The following RSU1 variants were observed in gnomAD, a reference collection of about 807,000 sequenced individuals.
RSU1 encodes rsu-1.
In RSU1, 26 loss-of-function variants were observed where a neutral mutation model predicts 31.1. The ratio of observed to expected loss-of-function variants is 0.84; its 90% CI spans 0.61 to 1.16. The LOEUF (loss-of-function observed/expected upper bound fraction) is 1.16. Among genes scored for constraint, RSU1 ranks in the 50% most tolerant of loss-of-function variants. RSU1 has a pLI of 0.00. For missense variants in RSU1, 320 were observed against 339.1 expected (o/e 0.94, Z 0.44); for synonymous variants, 164 against 136.3 (o/e 1.20, Z -1.41).
intron 4 of RSU1, among the ~76,000 whole-genome samples, chr10:16,763,395 T>C (rs1288336274): frequency 6.6e-6 from 1 of 152,112 alleles, no homozygotes; most frequent in Non-Finnish European, 1.5e-5. Context: ...AGTATGCTTA[T>C]TACATGGCAG....
chr10:16,762,986 A>G (rs146453894), intron 4 of RSU1, among the ~76,000 whole-genome samples: 7,188 of 145,710 alleles, frequency 0.049, 582 homozygotes, highest in African/African-American at 0.18. Flanking sequence ...ACAAAGCAAG[A>G]CTCTGTCTCA....
chr10:16,788,316 C>T lies in RSU1; in HGVS notation c.110-6232G>A, dbSNP rs1031774246. Among the ~76,000 whole-genome samples the T allele has an allele frequency of 4.6e-5, 7 of 152,130 alleles. 1 individual carries two copies. The highest frequency in any genetic ancestry group is 4.1e-4 in the South Asian group (2 of 4,830). The stretch of plus-strand genomic sequence containing the variant: ...CCTTGCTAGGGACTACACATTTGAA[C>T]GTTTTCCCCAAAAAATTCATATACG... On this transcript the variant is annotated intron_variant, in intron 2 of 8. Transcript: ENST00000345264.
At chr10:16,680,925 G>A (rs1309207664) in intron 8 of RSU1, among the ~76,000 whole-genome samples, 1 of 152,186 alleles carries the variant, frequency 6.6e-6, no homozygotes, top group Non-Finnish European at 1.5e-5. Context: ...AATTTTGGAT[G>A]ACAACTCTAA....
At chr10:16,666,145 C>T (rs1834983529) in intron 8 of RSU1, among the ~76,000 whole-genome samples, 1 of 152,106 alleles carries the variant, frequency 6.6e-6, no homozygotes, top group Admixed American at 6.6e-5. Flanking sequence ...ATTAATATAA[C>T]TCAATTTTTA....
chr10:16,722,881 CAT>C (rs1306511360), intron 7 of RSU1, among the ~76,000 whole-genome samples: 10 of 138,476 alleles, frequency 7.2e-5, no homozygotes, highest in Non-Finnish European at 1.1e-4. Flanking sequence ...TATATACACA[CAT>C]ATACATATAT....
intron 2 of RSU1, among the ~76,000 whole-genome samples, chr10:16,809,732 T>C (rs1412402556): frequency 6.6e-6 from 1 of 152,194 alleles, no homozygotes; most frequent in Non-Finnish European, 1.5e-5. Context: ...TTCAACTAGG[T>C]TCATGTGAAT....
intron 8 of RSU1, among the ~76,000 whole-genome samples, chr10:16,653,585 A>G (rs982664461): frequency 1.3e-5 from 2 of 152,182 alleles, no homozygotes; most frequent in African/African-American, 4.8e-5. Context: ...AAATTCTGCA[A>G]CAAGTAATAC....
chr10:16,658,487 G>C (rs1834829726), intron 8 of RSU1, among the ~76,000 whole-genome samples: 1 of 152,190 alleles, frequency 6.6e-6, no homozygotes. Context: ...ACTTTGGGAG[G>C]CTGATGCAGG....
At chr10:16,810,675 A>C (rs1838389540) in intron 2 of RSU1, among the ~76,000 whole-genome samples, 1 of 152,190 alleles carries the variant, frequency 6.6e-6, no homozygotes, top group South Asian at 2.1e-4. Flanking sequence ...AACGTTTCCA[A>C]GAAATAAAGA....
At chr10:16,637,853 G>A (rs1834372736) in intron 8 of RSU1, among the ~76,000 whole-genome samples, 1 of 151,806 alleles carries the variant, frequency 6.6e-6, no homozygotes, top group Admixed American at 6.6e-5. Context: ...TCCTAGCAGA[G>A]AGGAGAGTTG....
At chr10:16,672,375 GA>G (rs1417225933) in intron 8 of RSU1, among the ~76,000 whole-genome samples, 1 of 152,086 alleles carries the variant, frequency 6.6e-6, no homozygotes, top group Non-Finnish European at 1.5e-5. Flanking sequence ...GTTTACCCAA[GA>G]GAAACAATAG....
chr10:16,776,039 T>A (rs1837522683), intron 3 of RSU1, among the ~76,000 whole-genome samples: 1 of 152,188 alleles, frequency 6.6e-6, no homozygotes, highest in Non-Finnish European at 1.5e-5. Context: ...AACTTTTGCA[T>A]AAAGCATGAC....
intron 7 of RSU1, among the ~76,000 whole-genome samples, chr10:16,701,634 A>AC (rs1835797110): frequency 6.6e-6 from 1 of 151,758 alleles, no homozygotes; most frequent in Non-Finnish European, 1.5e-5. Flanking sequence ...ACACACACAC[A>AC]AAAAGATTTA....
At chr10:16,654,877 A>G (rs1043071415) in intron 8 of RSU1, among the ~76,000 whole-genome samples, 1 of 151,890 alleles carries the variant, frequency 6.6e-6, no homozygotes, top group Non-Finnish European at 1.5e-5. Flanking sequence ...TGGGCAACAT[A>G]GTGAGACCTC....
At chr10:16,660,039 C>G (rs765003073) in intron 8 of RSU1, among the ~76,000 whole-genome samples, 12 of 152,166 alleles carry the variant, frequency 7.9e-5, no homozygotes, top group Non-Finnish European at 1.5e-4. Flanking sequence ...TCAGAAAAAA[C>G]TATTCAAGGA....
intron 3 of RSU1, among the ~76,000 whole-genome samples, chr10:16,780,713 C>T (rs531906785): frequency 4.6e-5 from 7 of 152,340 alleles, no homozygotes; most frequent in South Asian, 2.1e-4. Context: ...ACGTGGTCCA[C>T]GCTTCAAAAC....
At chr10:16,808,485 G>GAAAAAAAAAAAAAA (rs34449677) in intron 2 of RSU1, among the ~76,000 whole-genome samples, 1 of 89,614 alleles carries the variant, frequency 1.1e-5, no homozygotes, top group Non-Finnish European at 2.3e-5. Context: ...CTCCATTTAA[G>GAAAAAAAAAAAAAA]AAAAAAAAAA....
At chr10:16,722,340 G>A (rs1248444434) in intron 7 of RSU1, among the ~76,000 whole-genome samples, 3 of 152,142 alleles carry the variant, frequency 2.0e-5, no homozygotes, top group Admixed American at 6.5e-5. Flanking sequence ...GAAAACAGAT[G>A]AAAAGTAAGA....
intron 8 of RSU1, among the ~76,000 whole-genome samples, chr10:16,595,813 G>GA (rs1407074002): frequency 6.8e-6 from 1 of 147,848 alleles, no homozygotes; most frequent in Non-Finnish European, 1.5e-5. Context: ...CTAAAAAAAA[G>GA]AAAAAATTAG....
Sources: gnomAD v4.1 joint callset for allele counts (sites outside exome capture counted in the v4.1 genomes callset) on GRCh38, gnomAD v4.1.1 for gene constraint, MANE v1.5 for transcripts, NCBI Gene and HGNC (gene_info 2026-07-23, HGNC 2026-07-21) for gene names.